The following FGF14 variants were observed in gnomAD, a reference collection of about 807,000 sequenced individuals.
The protein encoded by FGF14 is fibroblast growth factor homologous factor 4.
Under a neutral mutation model 25.5 loss-of-function variants are expected in FGF14, and 5 were observed. The ratio of observed to expected loss-of-function variants is 0.20; its 90% CI spans 0.10 to 0.41. The LOEUF (loss-of-function observed/expected upper bound fraction) is 0.41, where lower values mean the gene tolerates loss of function less well. FGF14 is among the 10% of genes least tolerant of loss of function. The pLI is 1.00. For missense variants in FGF14, 222 were observed against 320.1 expected (o/e 0.69, Z 2.34); for synonymous variants, 138 against 118.3 (o/e 1.17, Z -1.08).
chr13:102,291,399 G>A (rs911098872), intron 1 of FGF14, among the ~76,000 whole-genome samples: 3 of 152,132 alleles, frequency 2.0e-5, no homozygotes, highest in Admixed American at 6.5e-5. Flanking sequence ...AGAGGAACTC[G>A]CTAACATGTT....
chr13:102,258,671 T>A (rs2141105366), intron 1 of FGF14, among the ~76,000 whole-genome samples: 1 of 152,302 alleles, frequency 6.6e-6, no homozygotes, highest in African/African-American at 2.4e-5. Flanking sequence ...ATGATAGCTG[T>A]CTCAATGAAT....
chr13:102,008,663 T>C (rs1040056517), intron 1 of FGF14, among the ~76,000 whole-genome samples: 10 of 152,076 alleles, frequency 6.6e-5, no homozygotes, highest in African/African-American at 2.4e-4. Flanking sequence ...TTTTTTTTAT[T>C]GCTCTCTTGA....
intron 1 of FGF14, among the ~76,000 whole-genome samples, chr13:101,963,000 T>C (rs377409644): frequency 6.6e-6 from 1 of 152,272 alleles, no homozygotes; most frequent in Non-Finnish European, 1.5e-5. Context: ...TTCCTGGCTT[T>C]CTTTCTTTGG....
intron 1 of FGF14, among the ~76,000 whole-genome samples, chr13:102,086,471 A>C (rs903472566): frequency 5.4e-4 from 82 of 152,182 alleles, no homozygotes; most frequent in South Asian, 2.5e-3. Context: ...CGGAGCTTGC[A>C]GTGAGCCGAG....
At chr13:102,220,367 T>C (rs891248293) in intron 1 of FGF14, among the ~76,000 whole-genome samples, 2 of 151,658 alleles carry the variant, frequency 1.3e-5, no homozygotes, top group Non-Finnish European at 3.0e-5. Context: ...GTCTCACTTC[T>C]AGTCATCAAC....
chr13:101,884,570 A>C (rs1249341185), intron 1 of FGF14, among the ~76,000 whole-genome samples: 1 of 152,102 alleles, frequency 6.6e-6, no homozygotes, highest in Non-Finnish European at 1.5e-5. Flanking sequence ...TAAATACATC[A>C]TTAATATATG....
chr13:102,096,182 C>T (rs2044391140), intron 1 of FGF14, among the ~76,000 whole-genome samples: 1 of 151,714 alleles, frequency 6.6e-6, no homozygotes. Flanking sequence ...AATATCTGTA[C>T]AATTAGGAAT....
intron 1 of FGF14, among the ~76,000 whole-genome samples, chr13:102,003,875 A>G (rs888895932): frequency 2.6e-5 from 4 of 152,174 alleles, no homozygotes; most frequent in African/African-American, 9.7e-5. Flanking sequence ...ATTGAACTTT[A>G]TAAGGAAATC....
At chr13:101,764,901 T>C (rs2038282241) in intron 3 of FGF14, among the ~76,000 whole-genome samples, 1 of 152,226 alleles carries the variant, frequency 6.6e-6, no homozygotes, top group African/African-American at 2.4e-5. Flanking sequence ...AGCATTTTAA[T>C]ATACCACTAA....
intron 1 of FGF14, among the ~76,000 whole-genome samples, chr13:102,104,785 A>AAAAAC (rs1380293321): frequency 2.0e-5 from 3 of 152,090 alleles, no homozygotes; most frequent in Non-Finnish European, 4.4e-5. Flanking sequence ...GACCCTATCT[A>AAAAAC]AAAACAAAAC....
At chr13:101,893,219 A>G (rs945130041) in intron 1 of FGF14, among the ~76,000 whole-genome samples, 1 of 152,164 alleles carries the variant, frequency 6.6e-6, no homozygotes, top group Non-Finnish European at 1.5e-5. Flanking sequence ...TCAAATGGCT[A>G]GTTCCTATTC....
chr13:101,783,525 GT>G (rs956287902), intron 3 of FGF14, among the ~76,000 whole-genome samples: 10 of 150,338 alleles, frequency 6.7e-5, no homozygotes, highest in East Asian at 1.9e-4. Context: ...TGGCGTTGAG[GT>G]TTTTTTTTGG....
At chr13:101,896,853 T>C (rs2030764120) in intron 1 of FGF14, among the ~76,000 whole-genome samples, 1 of 152,160 alleles carries the variant, frequency 6.6e-6, no homozygotes, top group Non-Finnish European at 1.5e-5. Context: ...TAATAGGGGA[T>C]TTCACAGTTT....
chr13:102,382,303 A>G (rs1046671036), intron 1 of FGF14, among the ~76,000 whole-genome samples: 2 of 152,162 alleles, frequency 1.3e-5, no homozygotes. Flanking sequence ...AGACAACCCT[A>G]TTAAAAATGG....
chr13:102,198,443 G>A (rs1433042091), intron 1 of FGF14, among the ~76,000 whole-genome samples: 1 of 152,162 alleles, frequency 6.6e-6, no homozygotes, highest in Non-Finnish European at 1.5e-5. Flanking sequence ...TTTCAGGCAG[G>A]TGGGCCTTTC....
chr13:102,240,780 C>A (rs1466804491), intron 1 of FGF14, among the ~76,000 whole-genome samples: 2 of 151,732 alleles, frequency 1.3e-5, no homozygotes, highest in African/African-American at 4.8e-5. Flanking sequence ...CATGTAAATT[C>A]CAGAAGGATT....
intron 1 of FGF14, among the ~76,000 whole-genome samples, chr13:102,035,708 ATTAT>A (rs1345880568): frequency 6.6e-6 from 1 of 152,170 alleles, no homozygotes; most frequent in African/African-American, 2.4e-5. Context: ...GCACTTCAAA[ATTAT>A]TTAAGGTTTT....
At position 101,798,134 on chromosome 13, in the gene FGF14, AG is replaced by A. The variant is rs550784153; in HGVS notation, c.408+70590del. Among the ~76,000 whole-genome samples, 5 of 152,260 alleles carry A rather than the reference AG, an allele frequency of 3.3e-5. No homozygotes were observed. The South Asian group carries it at 1.0e-3, about 32-fold the overall frequency. On this transcript the variant is annotated intron_variant, in intron 3 of 4. Coordinates refer to ENST00000376143, the MANE Select transcript of FGF14 (RefSeq NM_004115.4). Reference sequence around the variant, plus strand: ...TTAAGGAACTTTGCATTCTAATAAAAGAAAAAAGCTGACTTGAATCGCTATG... The same window carrying A: ...TTAAGGAACTTTGCATTCTAATAAAAAAAAAAGCTGACTTGAATCGCTATG...
chr13:102,161,659 A>AAGG (rs2047741260), intron 1 of FGF14, among the ~76,000 whole-genome samples: 3 of 27,460 alleles, frequency 1.1e-4, no homozygotes, highest in Non-Finnish European at 2.6e-4. Flanking sequence ...GAAGAAGAAG[A>AAGG]AGAAGAAGAA....
Sources: allele counts gnomAD v4.1 joint callset (sites outside exome capture counted in the v4.1 genomes callset), GRCh38; gene constraint gnomAD v4.1.1; transcripts MANE v1.5; gene names NCBI Gene and HGNC (gene_info 2026-07-23, HGNC 2026-07-21).